The following TBXAS1 variants were observed in gnomAD, a reference collection of about 807,000 sequenced individuals.
The protein encoded by TBXAS1 is thromboxane A synthase 1.
Under a neutral mutation model 60.7 loss-of-function variants are expected in TBXAS1, and 48 were observed. That is an observed-to-expected ratio of 0.79 (90% CI 0.63 to 1.01). The LOEUF (loss-of-function observed/expected upper bound fraction) is 1.01. Ranked by LOEUF, TBXAS1 falls within the 50% of genes least tolerant of loss-of-function variation. The pLI, the probability that TBXAS1 is intolerant of heterozygous loss-of-function variation, is 0.00. For missense variants in TBXAS1, 685 were observed against 686.3 expected, an observed-to-expected ratio of 1.00 and a Z score of 0.02; for synonymous variants, 287 against 269.7, an observed-to-expected ratio of 1.06 and a Z score of -0.63.
chr7:139,982,461 G>C (rs1300380688), intron 9 of TBXAS1, among the ~76,000 whole-genome samples: 1 of 152,216 alleles, frequency 6.6e-6, no homozygotes, highest in Non-Finnish European at 1.5e-5. Flanking sequence ...GGGGGAAACT[G>C]AGGCAGGCAG....
upstream of TBXAS1, among the ~76,000 whole-genome samples, chr7:139,825,825 G>T (rs1019178): frequency 0.5 from 76,603 of 152,052 alleles, 20,336 homozygotes; most frequent in East Asian, 0.88. Flanking sequence ...CTACATCTGG[G>T]ATATGTTATA....
rs1029265204 is a variant in TBXAS1, at chr7:140,004,014, T to A, written c.1135-3077T>A. 6.6e-6 allele frequency among the ~76,000 whole-genome samples: 1 copy of A among 152,234 alleles called. No individual in the cohort carries two copies. Among genetic ancestry groups the A allele is most frequent in the Non-Finnish European group, 1.5e-5 (1 of 68,042 alleles). ...TTGTATACATCTGATTCATTTCTTC[T>A]TTCTTGAGGCCAACTGCTGTTTTCT... On this transcript the variant is annotated intron_variant, in intron 9 of 12. Transcript: ENST00000448866. The surrounding 1 kb of genome is among the most constrained non-coding windows in gnomAD (Gnocchi z 5.1).
chr7:139,947,990 G>T (rs537349814), intron 5 of TBXAS1, among the ~76,000 whole-genome samples: 63 of 151,998 alleles, frequency 4.1e-4, no homozygotes, highest in African/African-American at 1.4e-3. Flanking sequence ...TCAGCCTCCC[G>T]AGTAGCTGGG....
In TBXAS1 at chr7:139,916,305, A is replaced by G. The variant is rs1193273426; in HGVS notation, c.333+4984A>G. Among the ~76,000 whole-genome samples the G allele has an allele frequency of 2.0e-5, 3 of 152,118 alleles. No homozygotes were observed. The highest frequency in any genetic ancestry group is 4.4e-5 in the Non-Finnish European group (3 of 68,014). Reference sequence around the variant, plus strand: ...GGTAAGCCAGTCTTTGGCCCATGTTAGCTTGGTCTGGTCAGATAGGCATGT... The same window carrying G: ...GGTAAGCCAGTCTTTGGCCCATGTTGGCTTGGTCTGGTCAGATAGGCATGT... On this transcript the variant is annotated intron_variant, in intron 4 of 12. Coordinates refer to ENST00000448866, the MANE Select transcript of TBXAS1 (RefSeq NM_001061.7). The surrounding 1 kb of genome is among the most constrained non-coding windows in gnomAD (Gnocchi z 4.2).
chr7:139,957,546 C>T (rs1316547732), intron 7 of TBXAS1, 88 bp from the exon 8 acceptor site: 3 of 1,590,548 alleles, frequency 1.9e-6, no homozygotes, highest in Non-Finnish European at 1.7e-6. Context: ...GATTCCAGGC[C>T]CGCGTTTGCT....
At chr7:140,016,243 G>A (rs1373850489) in intron 11 of TBXAS1, 3 of 342,448 alleles carry the variant, frequency 8.8e-6, no homozygotes, top group Admixed American at 8.6e-5. Context: ...CAGGAGAATG[G>A]CGTGAACCCA....
intron 3 of TBXAS1, among the ~76,000 whole-genome samples, chr7:139,910,827 G>A (rs147644225): frequency 2.0e-5 from 3 of 152,088 alleles, no homozygotes; most frequent in Non-Finnish European, 2.9e-5. Context: ...CTATCTTTCC[G>A]TTTTGGGGAA....
intron 4 of TBXAS1, among the ~76,000 whole-genome samples, chr7:139,821,652 G>A (rs931332620): frequency 6.6e-6 from 1 of 152,208 alleles, no homozygotes; most frequent in African/African-American, 2.4e-5. Context: ...TGCAGGAGAT[G>A]TTTCCTCTTC....
At chr7:139,824,681 A>G (rs1490999594), upstream of TBXAS1, among the ~76,000 whole-genome samples, 4 of 152,178 alleles carry the variant, frequency 2.6e-5, no homozygotes, top group East Asian at 7.7e-4. Context: ...CTAAAAATAT[A>G]CATATGCCTG....
chr7:139,949,660 C>G (rs534810421), intron 5 of TBXAS1, among the ~76,000 whole-genome samples: 9 of 152,282 alleles, frequency 5.9e-5, no homozygotes, highest in Non-Finnish European at 1.2e-4. Context: ...CATGAAGCAT[C>G]AACACAGAGA....
chr7:139,840,226 G>A (rs1799344582), intron 1 of TBXAS1, among the ~76,000 whole-genome samples: 1 of 152,052 alleles, frequency 6.6e-6, no homozygotes, highest in African/African-American at 2.4e-5. Flanking sequence ...ATATTTAGAA[G>A]GCACCATTGG....
At chr7:139,834,345 A>G (rs1798918246) in intron 1 of TBXAS1, among the ~76,000 whole-genome samples, 1 of 152,142 alleles carries the variant, frequency 6.6e-6, no homozygotes, top group Non-Finnish European at 1.5e-5. Flanking sequence ...AGCCCTAAAC[A>G]CCTACATCAA....
chr7:140,010,073 A>G (rs1288524130), intron 10 of TBXAS1, among the ~76,000 whole-genome samples: 4 of 117,822 alleles, frequency 3.4e-5, no homozygotes, highest in African/African-American at 1.3e-4. Flanking sequence ...CCTGCTCCAC[A>G]CCCACACCAC....
chr7:139,913,612 A>G (rs1198063482), intron 4 of TBXAS1: 1 of 157,394 alleles, frequency 6.4e-6, no homozygotes, highest in East Asian at 1.8e-4. Flanking sequence ...GGAGGACACA[A>G]TAATATTGCC....
At chr7:140,012,664 G>A (rs1269247297) in intron 10 of TBXAS1, among the ~76,000 whole-genome samples, 1 of 152,012 alleles carries the variant, frequency 6.6e-6, no homozygotes, top group African/African-American at 2.4e-5. Flanking sequence ...TCACCATGTT[G>A]GCCAGGCTGG....
intron 1 of TBXAS1, among the ~76,000 whole-genome samples, chr7:139,853,490 C>T (rs1370854407): frequency 2.6e-5 from 4 of 152,136 alleles, no homozygotes; most frequent in South Asian, 2.1e-4. Context: ...ATCTGCAAAA[C>T]GGAGATAATA....
chr7:139,881,454 T>C (rs573927118), intron 3 of TBXAS1, among the ~76,000 whole-genome samples: 1,860 of 146,566 alleles, frequency 0.013, 21 homozygotes, highest in South Asian at 0.035. Context: ...CACACCCTTT[T>C]TCCCCCCCTC....
chr7:140,008,420 A>G (rs916127670), intron 10 of TBXAS1, among the ~76,000 whole-genome samples: 1 of 150,854 alleles, frequency 6.6e-6, no homozygotes, highest in African/African-American at 2.4e-5. Context: ...GCCTCTTGCA[A>G]ACTGTCATCC....
At chr7:139,891,604 A>G (rs1803627725) in intron 3 of TBXAS1, among the ~76,000 whole-genome samples, 1 of 152,202 alleles carries the variant, frequency 6.6e-6, no homozygotes, top group South Asian at 2.1e-4. Context: ...AATACGTAAC[A>G]TAATTATTTG....
Sources: allele counts gnomAD v4.1 joint callset (sites outside exome capture counted in the v4.1 genomes callset), GRCh38; gene constraint gnomAD v4.1.1; non-coding constraint Gnocchi (gnomAD v3.1); transcripts MANE v1.5; gene names NCBI Gene and HGNC (gene_info 2026-07-23, HGNC 2026-07-21).